The following XKR4 variants were observed in gnomAD, a reference collection of about 807,000 sequenced individuals.
The protein encoded by XKR4 is XK-related protein 4.
XKR4 carries 12 observed loss-of-function variants against 53.9 expected under a neutral mutation model. The ratio of observed to expected loss-of-function variants is 0.22; its 90% CI spans 0.14 to 0.36. XKR4 has a LOEUF of 0.36. XKR4 is among the 10% of genes least tolerant of loss of function. The probability of loss-of-function intolerance (pLI) is 1.00; values close to 1 mark genes in which losing one functional copy is unlikely to be tolerated. For missense variants in XKR4, 799 were observed against 859.5 expected, an observed-to-expected ratio of 0.93 and a Z score of 0.88; for synonymous variants, 354 against 362.4, an observed-to-expected ratio of 0.98 and a Z score of 0.26.
intron 2 of XKR4, among the ~76,000 whole-genome samples, chr8:55,443,958 C>A (rs1273831159): frequency 6.6e-6 from 1 of 152,032 alleles, no homozygotes; most frequent in African/African-American, 2.4e-5. Context: ...ATCACTTGAG[C>A]TCAGGAATTT....
chr8:55,251,868 CT>C (rs1363142737), intron 1 of XKR4, among the ~76,000 whole-genome samples: 1 of 152,156 alleles, frequency 6.6e-6, no homozygotes, highest in Admixed American at 6.5e-5. Flanking sequence ...ATACATTAAC[CT>C]TTTCATTCTC....
Position 55,465,154 on chromosome 8 carries a change from A to G in XKR4, c.1007-58127A>G, listed in dbSNP as rs183162526. Among the ~76,000 whole-genome samples, 318 of 152,274 alleles carry G rather than the reference A, an allele frequency of 2.1e-3. 6 individuals carry two copies. Among genetic ancestry groups the G allele is most frequent in the African/African-American group, 7.1e-3 (293 of 41,504 alleles). Reference sequence around the variant, plus strand: ...AAAACTACTTTAAAGTTCATATGGAACCAAAAAGAAGCCTGCATTGCCAAG... The same window carrying G: ...AAAACTACTTTAAAGTTCATATGGAGCCAAAAAGAAGCCTGCATTGCCAAG... On this transcript the variant is annotated intron_variant, in intron 2 of 2. Coordinates refer to ENST00000327381, the MANE Select transcript of XKR4 (RefSeq NM_052898.2).
intron 2 of XKR4, among the ~76,000 whole-genome samples, chr8:55,407,394 CAA>C (rs1804700115): frequency 2.0e-5 from 3 of 152,236 alleles, no homozygotes; most frequent in Non-Finnish European, 4.4e-5. Flanking sequence ...GTCATTAAAG[CAA>C]TTTTCAGTAT....
chr8:55,316,126 A>C (rs4302823), intron 1 of XKR4, among the ~76,000 whole-genome samples: 1 of 152,046 alleles, frequency 6.6e-6, no homozygotes, highest in African/African-American at 2.4e-5. Flanking sequence ...AGATGAACCC[A>C]TTCAATGTGG....
At chr8:55,112,813 A>C (rs1464846834) in intron 1 of XKR4, among the ~76,000 whole-genome samples, 1 of 152,054 alleles carries the variant, frequency 6.6e-6, no homozygotes, top group Non-Finnish European at 1.5e-5. Flanking sequence ...GTTTTGCAAG[A>C]GTAAAATTAA....
At chr8:55,496,077 A>T (rs1049922696) in intron 2 of XKR4, among the ~76,000 whole-genome samples, 1 of 152,236 alleles carries the variant, frequency 6.6e-6, no homozygotes, top group African/African-American at 2.4e-5. Flanking sequence ...GCTGTTGCCA[A>T]GAGGGCTTTG....
intron 2 of XKR4, among the ~76,000 whole-genome samples, chr8:55,381,936 C>T (rs1804240428): frequency 6.6e-6 from 1 of 152,148 alleles, no homozygotes; most frequent in South Asian, 2.1e-4. Flanking sequence ...GGTTAAATGC[C>T]AGGACTAAGG....
In XKR4 at chr8:55,540,973, A is replaced by G. The variant is rs1807092989; in HGVS notation, c.*16746A>G. On this transcript the variant is annotated 3_prime_UTR_variant, in exon 3 of 3. Coordinates refer to ENST00000327381, the MANE Select transcript of XKR4 (RefSeq NM_052898.2). ...TATTCTGATGTAATTAATAACATCT[A>G]ATAGAAAAATAGAAACATCGTGCTT... 1.3e-5 allele frequency: 2 copies of G among 152,232 alleles called. No individual in the cohort carries two copies. 9.4% of individuals were successfully genotyped at this position (152,232 alleles called of 1,614,324 possible).
intron 1 of XKR4, among the ~76,000 whole-genome samples, chr8:55,291,633 T>C (rs1310485098): frequency 2.0e-5 from 3 of 152,176 alleles, no homozygotes; most frequent in African/African-American, 7.2e-5. Context: ...GAGGTAATAA[T>C]GTTAGTCTCA....
intron 1 of XKR4, among the ~76,000 whole-genome samples, chr8:55,146,280 C>G (rs1392995979): frequency 6.6e-6 from 1 of 152,190 alleles, no homozygotes. Context: ...GCAGAGATGA[C>G]TGACGGGAAG....
chr8:55,463,099 T>C (rs1204946213), intron 2 of XKR4, among the ~76,000 whole-genome samples: 2 of 151,476 alleles, frequency 1.3e-5, no homozygotes, highest in Non-Finnish European at 2.9e-5. Flanking sequence ...ATCCAGGAAT[T>C]GAACTCAGCT....
chr8:55,227,418 C>T (rs1012636239), intron 1 of XKR4, among the ~76,000 whole-genome samples: 1 of 152,184 alleles, frequency 6.6e-6, no homozygotes, highest in Non-Finnish European at 1.5e-5. Context: ...ACTACCCTCC[C>T]AATGACGTTG....
At chr8:55,392,802 T>G (rs1010980384) in intron 2 of XKR4, among the ~76,000 whole-genome samples, 1 of 151,950 alleles carries the variant, frequency 6.6e-6, no homozygotes. Flanking sequence ...AATAAATAAA[T>G]AAATATCAAT....
At position 55,396,397 on chromosome 8, in the gene XKR4, TG is replaced by T. The variant is rs1278372989; in HGVS notation, c.1006+38522del. On this transcript the variant is annotated intron_variant, in intron 2 of 2. Coordinates refer to ENST00000327381, the MANE Select transcript of XKR4 (RefSeq NM_052898.2). ...GGTTTTTTTGTGTTTTTTTTTTGTT[TG>T]GTTTTTTTTTTTTTTTTTTTGCAGA... Among the ~76,000 whole-genome samples the T allele has an allele frequency of 6.1e-4, 55 of 90,432 alleles. No individual in the cohort carries two copies. In the East Asian group the frequency reaches 7.0e-3, roughly 12 times the overall value. 59.3% of individuals were successfully genotyped at this position (90,432 alleles called of 152,430 possible).
intron 1 of XKR4, among the ~76,000 whole-genome samples, chr8:55,322,247 C>T (rs1803226807): frequency 6.6e-6 from 1 of 152,140 alleles, no homozygotes; most frequent in Admixed American, 6.5e-5. Flanking sequence ...CGCTTTTTCA[C>T]TCGAGTATGT....
chr8:55,282,198 C>T (rs977231393), intron 1 of XKR4, among the ~76,000 whole-genome samples: 9 of 152,160 alleles, frequency 5.9e-5, no homozygotes, highest in Admixed American at 6.5e-5. Flanking sequence ...CATTTGACTA[C>T]GGACCTCATA....
intron 2 of XKR4, among the ~76,000 whole-genome samples, chr8:55,363,437 AG>A (rs1185516839): frequency 1.3e-5 from 2 of 152,198 alleles, no homozygotes; most frequent in East Asian, 3.8e-4. Flanking sequence ...GAGGCTCCAC[AG>A]GAAGTCAGAA....
At position 55,396,327 on chromosome 8, in the gene XKR4, G is replaced by A. The variant is rs575167255; in HGVS notation, c.1006+38450G>A. ...TTCACTTCTTTATCACCTGGACTGG[G>A]TAGATGCCCTGCAAACATTTTGTTG... On this transcript the variant is annotated intron_variant, in intron 2 of 2. Coordinates refer to ENST00000327381, the MANE Select transcript of XKR4 (RefSeq NM_052898.2). 6.6e-5 allele frequency among the ~76,000 whole-genome samples: 10 copies of A among 151,188 alleles called. No homozygotes were observed. In the South Asian group the frequency reaches 1.9e-3, roughly 28 times the overall value.
intron 2 of XKR4, among the ~76,000 whole-genome samples, chr8:55,435,917 A>G (rs571516147): frequency 1.5e-4 from 23 of 152,264 alleles, no homozygotes; most frequent in African/African-American, 5.1e-4. Context: ...AGGATTTTCA[A>G]AGGACTGCTA....
Sources: allele counts gnomAD v4.1 joint callset (sites outside exome capture counted in the v4.1 genomes callset), GRCh38; gene constraint gnomAD v4.1.1; transcripts MANE v1.5; gene names NCBI Gene and HGNC (gene_info 2026-07-23, HGNC 2026-07-21).